TSPAN15: variants seen among roughly 807,000 people sequenced by gnomAD.
TSPAN15 encodes tetraspanin 15.
Under a neutral mutation model 34.5 loss-of-function variants are expected in TSPAN15, and 20 were observed. The ratio of observed to expected loss-of-function variants is 0.58; its 90% CI spans 0.41 to 0.84. TSPAN15 has a LOEUF of 0.84. Among genes scored for constraint, TSPAN15 ranks in the 40% least tolerant of loss-of-function variants. TSPAN15 has a pLI of 0.00. For synonymous variants in TSPAN15, 155 were observed against 153.9 expected (o/e 1.01, Z -0.05); for missense variants, 313 against 386.1 (o/e 0.81, Z 1.59).
downstream of TSPAN15, among the ~76,000 whole-genome samples, chr10:69,510,646 C>CT (rs1479328770): frequency 6.6e-6 from 1 of 152,170 alleles, no homozygotes; most frequent in African/African-American, 2.4e-5. Context: ...GCATCCTTGT[C>CT]TTGTGCTGGT....
chr10:69,491,084 C>G (rs904071168), intron 3 of TSPAN15, among the ~76,000 whole-genome samples: 1 of 152,196 alleles, frequency 6.6e-6, no homozygotes, highest in Non-Finnish European at 1.5e-5. Context: ...GAAACATAAC[C>G]CTCTCCCACC....
intron 3 of TSPAN15, among the ~76,000 whole-genome samples, chr10:69,485,544 G>A (rs1422258383): frequency 2.6e-5 from 4 of 152,180 alleles, no homozygotes; most frequent in African/African-American, 9.7e-5. Flanking sequence ...CTGAGGGTAG[G>A]TGGGGTGGAG....
chr10:69,467,637 A>AACACACACACACAC (rs36028041), intron 1 of TSPAN15, among the ~76,000 whole-genome samples: 133 of 78,206 alleles, frequency 1.7e-3, no homozygotes, highest in African/African-American at 4.0e-3. Flanking sequence ...AAAACAAAAC[A>AACACACACACACAC]ACACACACAC....
intron 3 of TSPAN15, among the ~76,000 whole-genome samples, chr10:69,490,923 G>A (rs574534048): frequency 1.3e-5 from 2 of 152,316 alleles, no homozygotes; most frequent in Admixed American, 6.5e-5. Context: ...GTGGAGGGCC[G>A]GCTGTGTATC....
intron 1 of TSPAN15, among the ~76,000 whole-genome samples, chr10:69,470,503 G>T (rs1589630841): frequency 6.6e-6 from 1 of 152,044 alleles, no homozygotes; most frequent in South Asian, 2.1e-4. Flanking sequence ...GCCCACTGTG[G>T]TCCAGGCCAC....
rs1434302911 is a variant in TSPAN15 at position 69,506,400 on chromosome 10, G to A, written c.735+160G>A. The A allele has an allele frequency of 2.3e-5, 15 of 658,008 alleles. No individual in the cohort carries two copies. Among genetic ancestry groups the A allele is most frequent in the African/African-American group, 9.1e-5 (5 of 55,014 alleles). The allele number at this position is 658,008 out of a possible 1,614,324, so 40.8% of individuals were successfully genotyped here. A position where few individuals can be genotyped will look rare whatever the true frequency, so the allele number is the denominator to read the frequency against. ...GGAGGGGCAAATGGCAATAGCAGTC[G>A]TGGCGAAGCTCTTCCAAGTGCTGCG... On this transcript the variant is annotated intron_variant, in intron 7 of 7. Coordinates refer to ENST00000373290, the MANE Select transcript of TSPAN15 (RefSeq NM_012339.5). The surrounding 1 kb of genome is among the most constrained non-coding windows in gnomAD (Gnocchi z 4.7).
chr10:69,539,106 G>T, the TSPAN15 span, among the ~76,000 whole-genome samples: 1 of 152,178 alleles, frequency 6.6e-6, no homozygotes, highest in Admixed American at 6.5e-5. Context: ...GCAGTTGATA[G>T]AGTAGGAACC....
intron 1 of TSPAN15, among the ~76,000 whole-genome samples, chr10:69,475,678 G>C (rs189057653): frequency 4.4e-4 from 67 of 152,288 alleles, no homozygotes; most frequent in African/African-American, 1.6e-3. Flanking sequence ...CTGTGTGCCT[G>C]TGGGAGTCTT....
chr10:69,518,526 C>T, the TSPAN15 span, among the ~76,000 whole-genome samples: 4 of 152,192 alleles, frequency 2.6e-5, no homozygotes, highest in Admixed American at 6.5e-5. Flanking sequence ...TGGGTTCAAG[C>T]GATCCTTCTG....
intron 1 of TSPAN15, among the ~76,000 whole-genome samples, chr10:69,464,884 C>T (rs368508209): frequency 6.6e-6 from 1 of 152,240 alleles, no homozygotes; most frequent in South Asian, 2.1e-4. Flanking sequence ...GCTTCCTCTC[C>T]AGCCAGGGTG....
At chr10:69,460,352 G>A (rs1450460628) in intron 1 of TSPAN15, among the ~76,000 whole-genome samples, 2 of 152,198 alleles carry the variant, frequency 1.3e-5, no homozygotes, top group Non-Finnish European at 2.9e-5. Context: ...CGGTCAGCAT[G>A]AGTTGTTCAG....
chr10:69,482,817 C>G (rs1296456940), intron 1 of TSPAN15, among the ~76,000 whole-genome samples: 1 of 152,166 alleles, frequency 6.6e-6, no homozygotes, highest in South Asian at 2.1e-4. Flanking sequence ...TCTATACTCT[C>G]CTCTAAAGTG....
chr10:69,543,198 G>A, the TSPAN15 span, among the ~76,000 whole-genome samples: 3 of 152,118 alleles, frequency 2.0e-5, no homozygotes, highest in African/African-American at 7.2e-5. Flanking sequence ...AGCTAAGTAT[G>A]GGTAGTGCCA....
At chr10:69,459,041 A>AG (rs1380235600) in intron 1 of TSPAN15, among the ~76,000 whole-genome samples, 1 of 147,088 alleles carries the variant, frequency 6.8e-6, no homozygotes, top group Non-Finnish European at 1.5e-5. Context: ...GGCTCCACAC[A>AG]GGGGAAAGAT....
In TSPAN15 at chr10:69,455,596, CTTTCTT is replaced by C. The variant is rs1841079143; in HGVS notation, c.96+3908_96+3913del. On this transcript the variant is annotated intron_variant, in intron 1 of 7. Coordinates refer to ENST00000373290, the MANE Select transcript of TSPAN15 (RefSeq NM_012339.5). ...CTCTTTTCTTTCTTTCTTTCTCTTTCTTTCTTTCTTTCTCTCTCTCTCTCTCTCTCC... is the reference window on the plus strand; with the variant it reads ...CTCTTTTCTTTCTTTCTTTCTCTTTCTCTTTCTCTCTCTCTCTCTCTCTCC... 3.8e-4 allele frequency among the ~76,000 whole-genome samples: 43 copies of C among 114,378 alleles called. 1 individual carries two copies. The highest frequency in any genetic ancestry group is 1.3e-3 in the African/African-American group (40 of 29,814). The allele number at this position is 114,378 out of a possible 152,430, so 75.0% of individuals were successfully genotyped here.
At chr10:69,487,442 T>G (rs1401978303) in intron 3 of TSPAN15, among the ~76,000 whole-genome samples, 1 of 149,878 alleles carries the variant, frequency 6.7e-6, no homozygotes, top group African/African-American at 2.5e-5. Context: ...GATGCTGGTT[T>G]ACTTTTCAGC....
At chr10:69,510,758 C>T (rs2133177743), downstream of TSPAN15, among the ~76,000 whole-genome samples, 1 of 152,242 alleles carries the variant, frequency 6.6e-6, no homozygotes, top group Middle Eastern at 3.4e-3. Context: ...CCATCAATAC[C>T]TAGTTTATTG....
intron 1 of TSPAN15, among the ~76,000 whole-genome samples, chr10:69,462,686 C>T (rs187019576): frequency 3.3e-5 from 5 of 152,292 alleles, no homozygotes; most frequent in East Asian, 1.9e-4. Flanking sequence ...CAGCTGGAGT[C>T]GAAACCACAG....
chr10:69,493,481 T>TC (rs1436198585), intron 3 of TSPAN15, among the ~76,000 whole-genome samples: 2 of 149,704 alleles, frequency 1.3e-5, no homozygotes, highest in Non-Finnish European at 3.0e-5. Context: ...TTTTTTTTTT[T>TC]TTTTTTTTTG....
Sources: allele counts gnomAD v4.1 joint callset (sites outside exome capture counted in the v4.1 genomes callset), GRCh38; gene constraint gnomAD v4.1.1; non-coding constraint Gnocchi (gnomAD v3.1); transcripts MANE v1.5; gene names NCBI Gene and HGNC (gene_info 2026-07-23, HGNC 2026-07-21).